Variants in PCCA observed in about 807,000 individuals in gnomAD.
The protein encoded by PCCA is propionyl-CoA carboxylase subunit alpha, also known as propionyl-CoA carboxylase alpha chain, mitochondrial.
In PCCA, 74 loss-of-function variants were observed where a neutral mutation model predicts 101.3. The observed-to-expected ratio is 0.73, with a 90% CI of 0.61 to 0.89. PCCA has a LOEUF of 0.89. Among genes scored for constraint, PCCA ranks in the 40% least tolerant of loss-of-function variants. The probability of loss-of-function intolerance (pLI) is 0.00; values close to 1 mark genes in which losing one functional copy is unlikely to be tolerated. For missense variants in PCCA, 891 were observed against 907.0 expected (o/e 0.98, Z 0.23); for synonymous variants, 294 against 313.6 (o/e 0.94, Z 0.66).
At chr13:100,515,676 C>A in intron 22 of PCCA, 109 bp downstream of exon 22, 3 of 1,349,882 alleles carry the variant, frequency 2.2e-6, no homozygotes, top group East Asian at 2.3e-5. Context: ...TCTTACTTAA[C>A]CGACGCCCCC....
intron 4 of PCCA, chr13:100,151,134 G>A: frequency 9.6e-7 from 1 of 1,036,958 alleles, no homozygotes; most frequent in East Asian, 2.4e-5. Context: ...CGGAAGAAAA[G>A]AAGTTTAATT....
chr13:100,504,611 C>T (rs752551916), intron 21 of PCCA, among the ~76,000 whole-genome samples: 4 of 152,158 alleles, frequency 2.6e-5, no homozygotes, highest in Admixed American at 6.5e-5. Flanking sequence ...TACTTAATGA[C>T]ATTTCTGTGT....
At chr13:100,327,796 A>G (rs763798640) in intron 16 of PCCA, among the ~76,000 whole-genome samples, 5 of 152,254 alleles carry the variant, frequency 3.3e-5, no homozygotes, top group Non-Finnish European at 7.3e-5. Context: ...TTCTTTAACA[A>G]TAATGATGTT....
rs190458347 is a variant in PCCA at position 100,207,602 on chromosome 13, G to A, written c.469-1730G>A. On this transcript the variant is annotated intron_variant, in intron 6 of 23. Transcript: ENST00000376285. ...TCACTGTGTTGGTCAGGATGGTCTC[G>A]ATCTCCTGACCTCAAGATCTGCCCT... is the stretch of plus-strand genomic sequence containing the variant. Among the ~76,000 whole-genome samples the A allele has an allele frequency of 7.2e-5, 11 of 151,996 alleles. No homozygotes were observed. In the South Asian group the frequency reaches 1.7e-3, roughly 23 times the overall value.
At chr13:100,277,759 A>G (rs979143669) in intron 12 of PCCA, among the ~76,000 whole-genome samples, 3 of 152,206 alleles carry the variant, frequency 2.0e-5, no homozygotes, top group Admixed American at 1.3e-4. Flanking sequence ...TGTATTCTGC[A>G]GTGTAAGAGT....
chr13:100,196,099 A>G (rs2058087607), intron 6 of PCCA, among the ~76,000 whole-genome samples: 1 of 152,210 alleles, frequency 6.6e-6, no homozygotes, highest in African/African-American at 2.4e-5. Context: ...TTTTAAAATA[A>G]AAAGTTTCCT....
At chr13:100,144,101 CT>C (rs58224105) in intron 4 of PCCA, among the ~76,000 whole-genome samples, 5,088 of 152,072 alleles carry the variant, frequency 0.033, 280 homozygotes, top group African/African-American at 0.12. Flanking sequence ...CATACCACTG[CT>C]TGGTGAAAAA....
chr13:100,370,474 G>T (rs1314123507), intron 19 of PCCA, among the ~76,000 whole-genome samples: 1 of 152,048 alleles, frequency 6.6e-6, no homozygotes. Context: ...ATTATCTCCA[G>T]CTTCACTTTT....
chr13:100,505,236 G>GTA (rs2085976561), intron 21 of PCCA, among the ~76,000 whole-genome samples: 1 of 152,164 alleles, frequency 6.6e-6, no homozygotes, highest in Non-Finnish European at 1.5e-5. Flanking sequence ...CCAGATTATG[G>GTA]TATTTAGGTC....
At chr13:100,369,567 G>A (rs1439404038) in intron 19 of PCCA, among the ~76,000 whole-genome samples, 5 of 152,254 alleles carry the variant, frequency 3.3e-5, no homozygotes, top group Middle Eastern at 3.4e-3. Context: ...ACATTCTTGT[G>A]TGGTGTCAGA....
intron 4 of PCCA, among the ~76,000 whole-genome samples, chr13:100,146,638 G>T (rs1371693395): frequency 6.6e-6 from 1 of 151,542 alleles, no homozygotes; most frequent in Admixed American, 6.6e-5. Flanking sequence ...GTGCAAATGT[G>T]CCCAAACTCA....
chr13:100,283,814 A>G (rs949890988), intron 12 of PCCA, among the ~76,000 whole-genome samples: 6 of 152,240 alleles, frequency 3.9e-5, no homozygotes, highest in Non-Finnish European at 7.3e-5. Context: ...GCTTGTTATC[A>G]GTGTGGTTTA....
intron 7 of PCCA, among the ~76,000 whole-genome samples, chr13:100,222,733 T>G (rs1314128175): frequency 1.3e-5 from 2 of 152,272 alleles, no homozygotes; most frequent in East Asian, 3.8e-4. Flanking sequence ...ACAGTGTTTT[T>G]AAGACTAAAG....
In PCCA at chr13:100,130,002, T is replaced by C. The variant is rs115523331; in HGVS notation, c.300+17941T>C. The stretch of plus-strand genomic sequence containing the variant: ...TTTCTGGGTTTTATTGTCATTGTTG[T>C]ACATTTGAAGTAGAGAGAGCTTTTG... On this transcript the variant is annotated intron_variant, in intron 4 of 23. Transcript: ENST00000376285. Among the ~76,000 whole-genome samples the C allele has an allele frequency of 3.8e-3, 577 of 152,372 alleles. 5 individuals are homozygous for C. Among genetic ancestry groups the C allele is most frequent in the African/African-American group, 0.013 (550 of 41,588 alleles).
intron 19 of PCCA, among the ~76,000 whole-genome samples, chr13:100,420,105 T>C (rs1045054764): frequency 2.0e-5 from 3 of 152,246 alleles, no homozygotes; most frequent in Non-Finnish European, 4.4e-5. Flanking sequence ...GGATATTATG[T>C]CATTTATCAC....
intron 19 of PCCA, among the ~76,000 whole-genome samples, chr13:100,402,671 C>T: frequency 6.6e-6 from 1 of 151,910 alleles, no homozygotes; most frequent in Non-Finnish European, 1.5e-5. Context: ...TACAGAGATT[C>T]AGAGCAAGGA....
intron 21 of PCCA, among the ~76,000 whole-genome samples, chr13:100,476,676 T>C (rs558122511): frequency 1.3e-5 from 2 of 152,320 alleles, no homozygotes; most frequent in East Asian, 3.9e-4. Context: ...CCAATTTCAA[T>C]AGGACAGAAA....
intron 8 of PCCA, among the ~76,000 whole-genome samples, chr13:100,240,553 A>G (rs2061064157): frequency 6.6e-6 from 1 of 152,010 alleles, no homozygotes; most frequent in Non-Finnish European, 1.5e-5. Flanking sequence ...ACTATTTTCT[A>G]AATTTCTGCA....
At chr13:100,442,528 C>G (rs566302110) in intron 20 of PCCA, among the ~76,000 whole-genome samples, 4 of 152,214 alleles carry the variant, frequency 2.6e-5, no homozygotes, top group Admixed American at 2.6e-4. Flanking sequence ...TGAATCTAAC[C>G]TTTGTAGTGT....
Sources: allele counts gnomAD v4.1 joint callset (sites outside exome capture counted in the v4.1 genomes callset), GRCh38; gene constraint gnomAD v4.1.1; transcripts MANE v1.5; gene names NCBI Gene and HGNC (gene_info 2026-07-23, HGNC 2026-07-21).